Variants in KANSL3 observed in about 807,000 individuals in gnomAD.
The protein encoded by KANSL3 is NSL complex protein NSL3.
KANSL3 carries 16 observed loss-of-function variants against 89.2 expected under a neutral mutation model. That is an observed-to-expected ratio of 0.18 (90% confidence interval 0.12 to 0.27). The LOEUF (loss-of-function observed/expected upper bound fraction) is 0.27. KANSL3 is among the 10% of genes least tolerant of loss of function. The pLI is 1.00. For synonymous variants in KANSL3, 385 were observed against 419.7 expected (o/e 0.92, Z 1.01); for missense variants, 879 against 1,110.6 (o/e 0.79, Z 2.96).
rs367638532 is a variant in KANSL3 at position 96,630,533 on chromosome 2, G to A, written c.386+779C>T. Among the ~76,000 whole-genome samples, 17 of 152,314 alleles carry A rather than the reference G, an allele frequency of 1.1e-4. No individual in the cohort carries two copies. In the East Asian group the frequency reaches 1.5e-3, roughly 14 times the overall value. On this transcript the variant is annotated intron_variant, in intron 3 of 20. Transcript: ENST00000431828. The stretch of plus-strand genomic sequence containing the variant: ...GGGACCAGAGAAGCTGGGAGGAAAC[G>A]GGAAGTAACTGTTTATGGGTAAGAG...
At chr2:96,615,347 T>C (rs1016607329) in intron 5 of KANSL3, 3 of 229,746 alleles carry the variant, frequency 1.3e-5, no homozygotes, top group African/African-American at 6.9e-5. Context: ...TGTGGTGTAC[T>C]AAATAAATCT....
Position 96,608,971 on chromosome 2 carries a change from T to G in KANSL3, c.1477A>C (p.Lys493Gln), listed in dbSNP as rs771934286. 12 of 1,562,040 alleles carry G rather than the reference T, an allele frequency of 7.7e-6. No homozygotes were observed. Among genetic ancestry groups the G allele is most frequent in the South Asian group, 2.4e-5 (2 of 84,678 alleles). Residue 493 changes from lysine (K) to glutamine (Q), a missense_variant, in exon 13 of 21, where the codon AAG (lysine) becomes CAG (glutamine). Lys to Gln is a moderately conservative substitution (Grantham distance 53). Around this residue, in one of 6 missense-constraint regions of KANSL3, gnomAD observed 317 missense variants for 311.2 expected, o/e 1.02. Coordinates refer to ENST00000431828, the MANE Select transcript of KANSL3 (RefSeq NM_001115016.3). ...TCTCTGCGGGCCACATCGCGGGGCT[T>G]CTTCTTCTTCTCAGCATCCTGATCC... ...PRDQDAEKKK[K>Q]PRDVARRDLA...
downstream of KANSL3, among the ~76,000 whole-genome samples, chr2:96,588,602 T>C (rs1287837053): frequency 6.6e-6 from 1 of 152,120 alleles, no homozygotes; most frequent in Non-Finnish European, 1.5e-5. Flanking sequence ...CTTTTCTTTT[T>C]TTTTTGGAGA....
intron 3 of KANSL3, chr2:96,628,074 C>T: frequency 7.8e-7 from 1 of 1,290,298 alleles, no homozygotes; most frequent in Non-Finnish European, 1.0e-6. Context: ...GGGTGGTGGT[C>T]CACAAGGAGA....
intron 14 of KANSL3, chr2:96,606,976 G>A (rs755848059): frequency 1.6e-6 from 2 of 1,288,688 alleles, no homozygotes; most frequent in South Asian, 2.5e-5. Context: ...TCACCAAAGA[G>A]ACAGGAGGAG....
intron 5 of KANSL3, among the ~76,000 whole-genome samples, chr2:96,615,743 A>G (rs1234568141): frequency 6.6e-6 from 1 of 152,256 alleles, no homozygotes; most frequent in East Asian, 1.9e-4. Flanking sequence ...AATTATAACC[A>G]TTAGACTTTC....
chr2:96,630,357 C>T (rs892760063), intron 3 of KANSL3, among the ~76,000 whole-genome samples: 1 of 152,214 alleles, frequency 6.6e-6, no homozygotes, highest in Non-Finnish European at 1.5e-5. Flanking sequence ...GCATGAAGTG[C>T]TGATACACGC....
At chr2:96,627,218 T>G (rs1363163600) in intron 3 of KANSL3, among the ~76,000 whole-genome samples, 2 of 151,684 alleles carry the variant, frequency 1.3e-5, no homozygotes, top group African/African-American at 4.9e-5. Context: ...AGGAACATGC[T>G]TCTTTTTTTT....
intron 20 of KANSL3, chr2:96,599,634 A>G (rs1017824588): frequency 2.3e-5 from 6 of 257,394 alleles, no homozygotes; most frequent in Non-Finnish European, 3.6e-5. Context: ...CAATAGAAAG[A>G]AAAAAAAATA....
At position 96,595,414 on chromosome 2, in the gene KANSL3, C is replaced by T. The variant is rs1326084806; in HGVS notation, c.*197G>A. 1.6e-5 allele frequency: 9 copies of T among 554,548 alleles called. No individual in the cohort carries two copies. The highest frequency in any genetic ancestry group is 2.6e-5 in the Non-Finnish European group (8 of 309,654). The allele number at this position is 554,548 out of a possible 1,614,324, so 34.4% of individuals were successfully genotyped here. A position where few individuals can be genotyped will look rare whatever the true frequency, so the allele number is the denominator to read the frequency against. ...AGGAACCAGATTTGCAGATCCTGGA[C>T]GATGGTGCTTCCCTTGCTGGCACCG... On this transcript the variant is annotated 3_prime_UTR_variant, in exon 21 of 21. Transcript: ENST00000431828.
chr2:96,634,845 T>C (rs1162110714), intron 2 of KANSL3, among the ~76,000 whole-genome samples: 1 of 152,188 alleles, frequency 6.6e-6, no homozygotes, highest in Non-Finnish European at 1.5e-5. Flanking sequence ...GATTTCACCA[T>C]CACAAACCTA....
At chr2:96,618,325 G>A (rs2070609309) in intron 5 of KANSL3, among the ~76,000 whole-genome samples, 1 of 152,252 alleles carries the variant, frequency 6.6e-6, no homozygotes, top group Non-Finnish European at 1.5e-5. Flanking sequence ...AACTAGCTGG[G>A]ACTACAGACG....
chr2:96,605,404 G>A lies in KANSL3; in HGVS notation c.1849C>T (p.Arg617Ter). 4 of 1,613,980 alleles carry A rather than the reference G, an allele frequency of 2.5e-6. No homozygotes were observed. Among genetic ancestry groups the A allele is most frequent in the Non-Finnish European group, 3.4e-6 (4 of 1,179,868 alleles). The change falls in exon 15 of 21, where the codon CGA becomes TGA. Residue 617 changes from arginine to a stop codon, truncating the protein, a stop_gained. Transcript: ENST00000431828. LOFTEE classifies it high-confidence loss of function. ...SPLPGSKTSK[R>*]PKIKVSLISQ... is the part of the protein sequence containing the mutation. Reference sequence around the variant, plus strand: ...ATAAGGGACACCTTGATCTTCGGTCGTTTGGAGGTCTTACTGCCAGGAAGG... The same window carrying A: ...ATAAGGGACACCTTGATCTTCGGTCATTTGGAGGTCTTACTGCCAGGAAGG...
intron 20 of KANSL3, among the ~76,000 whole-genome samples, chr2:96,596,785 GC>G (rs1367116203): frequency 6.6e-6 from 1 of 152,242 alleles, no homozygotes; most frequent in African/African-American, 2.4e-5. Flanking sequence ...GAGGCCCACT[GC>G]CAGAGGCCTC....
chr2:96,629,869 CTGATA>C (rs2073075237), intron 3 of KANSL3, among the ~76,000 whole-genome samples: 1 of 152,128 alleles, frequency 6.6e-6, no homozygotes, highest in African/African-American at 2.4e-5. Context: ...CTACCAACTC[CTGATA>C]TAAGAAGTAA....
At position 96,608,856 on chromosome 2, in the gene KANSL3, C is replaced by A; in HGVS notation, c.1584+8G>T. On this transcript the variant is annotated splice_region_variant and intron_variant, in intron 13 of 20. Coordinates refer to ENST00000431828, the MANE Select transcript of KANSL3 (RefSeq NM_001115016.3). ...CCAGCAAAAGCGCTCCCTCCCTGCT[C>A]ACACTACCTCTGAGCCTGAGGGTGA... 1 of 1,565,090 alleles carries A rather than the reference C, an allele frequency of 6.4e-7. No individual in the cohort carries two copies. The highest frequency in any genetic ancestry group is 2.3e-5 in the East Asian group (1 of 42,800).
chr2:96,606,687 A>G, intron 14 of KANSL3: 1 of 256,536 alleles, frequency 3.9e-6, no homozygotes, highest in Non-Finnish European at 7.7e-6. Flanking sequence ...AGGCAATGCC[A>G]CAGACATACA....
At chr2:96,631,557 A>T in intron 2 of KANSL3, 75 bp from the exon 3 acceptor site, 1 of 1,519,260 alleles carries the variant, frequency 6.6e-7, no homozygotes, top group Admixed American at 2.0e-5. Context: ...GTTGACAAAA[A>T]ATGTATCTTT....
intron 14 of KANSL3, chr2:96,606,716 G>A (rs530029349): frequency 3.7e-6 from 1 of 271,840 alleles, no homozygotes. Flanking sequence ...GCAGAGCCAA[G>A]ACCGTAGTGA....
Sources: gnomAD v4.1 joint callset for allele counts (sites outside exome capture counted in the v4.1 genomes callset) on GRCh38, gnomAD v4.1.1 for gene constraint, gnomAD v4.1.1 regional missense constraint, MANE v1.5 for transcripts, NCBI Gene and HGNC (gene_info 2026-07-23, HGNC 2026-07-21) for gene names.